The following PKP4 variants were observed in gnomAD, a reference collection of about 807,000 sequenced individuals.
The protein encoded by PKP4 is plakophilin-4.
Under a neutral mutation model 145.1 loss-of-function variants are expected in PKP4, and 90 were observed. The observed-to-expected ratio is 0.62, with a 90% CI of 0.52 to 0.74. The LOEUF is 0.74. PKP4 is among the 30% of genes least tolerant of loss of function. The probability of loss-of-function intolerance (pLI) is 0.00; values close to 1 mark genes in which losing one functional copy is unlikely to be tolerated. For missense variants in PKP4, 1,340 were observed against 1,482.7 expected (o/e 0.90, Z 1.58); for synonymous variants, 563 against 577.2 (o/e 0.98, Z 0.35).
chr2:158,670,919 A>G (rs999385785), intron 17 of PKP4, among the ~76,000 whole-genome samples: 1 of 152,172 alleles, frequency 6.6e-6, no homozygotes, highest in African/African-American at 2.4e-5. Context: ...GATCAGAGAA[A>G]TGGTAAGTAG....
intron 2 of PKP4, among the ~76,000 whole-genome samples, chr2:158,567,223 C>G (rs1232494250): frequency 1.3e-5 from 2 of 152,112 alleles, no homozygotes; most frequent in Non-Finnish European, 2.9e-5. Context: ...GAAGATGTCA[C>G]AGAACACTAT....
chr2:158,614,629 G>T (rs1030514965), intron 4 of PKP4, among the ~76,000 whole-genome samples: 6 of 152,150 alleles, frequency 3.9e-5, no homozygotes, highest in Non-Finnish European at 7.4e-5. Context: ...ATTAGATTTT[G>T]CCCTAGCAAA....
chr2:158,576,499 T>TA (rs1349487799), intron 2 of PKP4, among the ~76,000 whole-genome samples: 1 of 152,190 alleles, frequency 6.6e-6, no homozygotes, highest in East Asian at 1.9e-4. Flanking sequence ...GTTTTCTACT[T>TA]ACTAAAATCC....
chr2:158,555,784 G>C lies in PKP4; in HGVS notation c.133-21487G>C, dbSNP rs188303475. ...CGTAGGGTGGCTGACAGTTTGAGTT[G>C]TACAACCCACAGACATAAACTGGTT... is the stretch of plus-strand genomic sequence containing the variant. On this transcript the variant is annotated intron_variant, in intron 2 of 21. Coordinates refer to ENST00000389759, the MANE Select transcript of PKP4 (RefSeq NM_003628.6). Among the ~76,000 whole-genome samples the C allele has an allele frequency of 3.8e-3, 586 of 152,212 alleles. 14 individuals carry two copies. The highest frequency in any genetic ancestry group is 0.034 in the Admixed American group (522 of 15,284).
chr2:158,489,273 A>G (rs1694606750), intron 1 of PKP4, among the ~76,000 whole-genome samples: 1 of 151,962 alleles, frequency 6.6e-6, no homozygotes, highest in African/African-American at 2.4e-5. Flanking sequence ...TTGAACTGCT[A>G]TTTATAGTAA....
chr2:158,557,614 A>G (rs1244546101), intron 2 of PKP4, among the ~76,000 whole-genome samples: 1 of 152,146 alleles, frequency 6.6e-6, no homozygotes, highest in Admixed American at 6.5e-5. Flanking sequence ...CTGTATTTTT[A>G]CCTGTTGTTT....
rs770160854 is a variant in PKP4, at chr2:158,669,847, C to T, written c.2856C>T (p.Asn952=). The change falls in exon 17 of 22, where the codon AAC becomes AAT. Residue 952 remains asparagine (N), a synonymous_variant. Transcript: ENST00000389759. The part of the protein sequence containing the change: ...LHEVTSKNME[N]AKALADSGGI... ...AGGTCACCAGCAAAAACATGGAGAA[C>T]GCAAAAGCCCTGGCCGACTCAGGAG... 24 of 1,613,874 alleles carry T rather than the reference C, an allele frequency of 1.5e-5. 1 individual carries two copies. The highest frequency in any genetic ancestry group is 4.0e-5 in the African/African-American group (3 of 74,924).
intron 2 of PKP4, among the ~76,000 whole-genome samples, chr2:158,555,254 T>C (rs2045991679): frequency 6.6e-6 from 1 of 152,242 alleles, no homozygotes; most frequent in Non-Finnish European, 1.5e-5. Flanking sequence ...TCTTTTTCTC[T>C]GAAGCCTGTC....
chr2:158,532,788 A>G (rs1371692412), intron 1 of PKP4, among the ~76,000 whole-genome samples: 1 of 152,212 alleles, frequency 6.6e-6, no homozygotes, highest in East Asian at 1.9e-4. Flanking sequence ...CTAGTTATTA[A>G]TATGTTATAT....
At chr2:158,620,092 TATC>T (rs1383004776) in intron 4 of PKP4, among the ~76,000 whole-genome samples, 1 of 152,162 alleles carries the variant, frequency 6.6e-6, no homozygotes, top group East Asian at 1.9e-4. Context: ...AGAACTTAAT[TATC>T]TTTGAAGTGA....
intron 1 of PKP4, among the ~76,000 whole-genome samples, chr2:158,461,574 A>G (rs1689776064): frequency 6.7e-6 from 1 of 150,028 alleles, no homozygotes; most frequent in Non-Finnish European, 1.5e-5. Context: ...GAATGGAATA[A>G]TGCCTGGTGA....
At chr2:158,579,459 A>G (rs74412560) in intron 3 of PKP4, among the ~76,000 whole-genome samples, 1 of 150,878 alleles carries the variant, frequency 6.6e-6, no homozygotes, top group Non-Finnish European at 1.5e-5. Flanking sequence ...AAAAAAAAAA[A>G]GCATTGAATT....
At chr2:158,554,459 T>C (rs1452671883) in intron 2 of PKP4, among the ~76,000 whole-genome samples, 1 of 150,578 alleles carries the variant, frequency 6.6e-6, no homozygotes, top group Admixed American at 6.6e-5. Flanking sequence ...GGAGTCTAGC[T>C]CTGTTGCCCA....
At position 158,658,202 on chromosome 2, in the gene PKP4, A is replaced by G. The variant is rs1300492016; in HGVS notation, c.1981A>G (p.Thr661Ala). 1.9e-6 allele frequency: 3 copies of G among 1,603,024 alleles called. No homozygotes were observed. Among genetic ancestry groups the G allele is most frequent in the Non-Finnish European group, 2.6e-6 (3 of 1,170,402 alleles). The change falls in exon 12 of 22, where the codon ACA becomes GCA. Residue 661 changes from threonine to alanine, a missense_variant. Transcript: ENST00000389759. ...TIIRDALSTL[T>A]NTVIVPHSGW... ...CATTCGAGATGCTCTCTCAACCTTA[A>G]CAAACACTGTGATTGTTCCACATTC...
intron 1 of PKP4, among the ~76,000 whole-genome samples, chr2:158,495,377 A>G (rs945033871): frequency 1.2e-4 from 18 of 151,582 alleles, no homozygotes; most frequent in Non-Finnish European, 1.0e-4. Flanking sequence ...AACAAAGCCC[A>G]GAAAGTTCAC....
intron 16 of PKP4, among the ~76,000 whole-genome samples, chr2:158,667,379 C>A (rs1347000766): frequency 2.0e-5 from 3 of 152,184 alleles, no homozygotes; most frequent in African/African-American, 7.2e-5. Context: ...AACTCCTCAT[C>A]TCTGAAGGGG....
Position 158,673,895 on chromosome 2 carries a change from C to A in PKP4, c.3022C>A (p.Gln1008Lys). 6.2e-7 allele frequency: 1 copy of A among 1,606,410 alleles called. No homozygotes were observed. Among genetic ancestry groups the A allele is most frequent in the Non-Finnish European group, 8.5e-7 (1 of 1,172,932 alleles). ...RSIYKKDGWNQNHFITPVSTL... is the reference protein window; with the variant it reads ...RSIYKKDGWNKNHFITPVSTL... ...CTTAACTCTGCAGGATGGGTGGAAT[C>A]AGAACCATTTTATTACACCTGTGTC... Residue 1008 changes from glutamine to lysine, a missense_variant, in exon 19 of 22, where the codon CAG (glutamine) becomes AAG (lysine). Gln to Lys is a moderately conservative substitution (Grantham distance 53). Coordinates refer to ENST00000389759, the MANE Select transcript of PKP4 (RefSeq NM_003628.6).
intron 20 of PKP4, among the ~76,000 whole-genome samples, chr2:158,678,187 C>T (rs1261294180): frequency 6.6e-6 from 1 of 152,158 alleles, no homozygotes; most frequent in Non-Finnish European, 1.5e-5. Flanking sequence ...CCTCTCTGAC[C>T]CACTGCCGTA....
intron 3 of PKP4, among the ~76,000 whole-genome samples, chr2:158,600,351 T>G (rs2050128212): frequency 6.6e-6 from 1 of 152,196 alleles, no homozygotes; most frequent in Non-Finnish European, 1.5e-5. Flanking sequence ...CGCAAGCTGC[T>G]TGGCATCTTC....
Sources: gnomAD v4.1 joint callset for allele counts (sites outside exome capture counted in the v4.1 genomes callset) on GRCh38, gnomAD v4.1.1 for gene constraint, MANE v1.5 for transcripts, NCBI Gene and HGNC (gene_info 2026-07-23, HGNC 2026-07-21) for gene names.